Variants in SLAIN1 observed in about 807,000 individuals in gnomAD.
SLAIN1 encodes SLAIN family member 1.
SLAIN1 carries 17 observed loss-of-function variants against 55.4 expected under a neutral mutation model. The ratio of observed to expected loss-of-function variants is 0.31; its 90% CI spans 0.21 to 0.46. The LOEUF (loss-of-function observed/expected upper bound fraction) is 0.46, where lower values mean the gene tolerates loss of function less well. Ranked by LOEUF, SLAIN1 falls within the 20% of genes least tolerant of loss-of-function variation. The pLI is 1.00. For synonymous variants in SLAIN1, 348 were observed against 337.4 expected, an observed-to-expected ratio of 1.03 and a Z score of -0.35; for missense variants, 682 against 785.1, an observed-to-expected ratio of 0.87 and a Z score of 1.57.
chr13:77,756,180 C>G lies in SLAIN1; in HGVS notation c.1414+2822C>G, dbSNP rs58694403. On this transcript the variant is annotated intron_variant, in intron 5 of 6. Transcript: ENST00000418532. The stretch of plus-strand genomic sequence containing the variant: ...TTCTCTTATGTGTTTTTTTTTAAAT[C>G]AAGGGTGGTTATATATGTTACATGT... Among the ~76,000 whole-genome samples, 53 of 151,550 alleles carry G rather than the reference C, an allele frequency of 3.5e-4. No homozygotes were observed. In the East Asian group the frequency reaches 9.9e-3, roughly 28 times the overall value.
At chr13:77,741,421 G>A (rs559496560) in intron 2 of SLAIN1, 7 of 987,402 alleles carry the variant, frequency 7.1e-6, no homozygotes, top group East Asian at 2.3e-4. Flanking sequence ...GCTCCGATTG[G>A]GAAAAGCTGC....
chr13:77,750,273 A>G (rs1416728730), intron 4 of SLAIN1, among the ~76,000 whole-genome samples: 1 of 152,172 alleles, frequency 6.6e-6, no homozygotes, highest in Non-Finnish European at 1.5e-5. Context: ...TAACATTTCT[A>G]TATGTATGAA....
intron 1 of SLAIN1, among the ~76,000 whole-genome samples, chr13:77,703,275 T>G (rs182269844): frequency 6.6e-6 from 1 of 152,248 alleles, no homozygotes; most frequent in Admixed American, 6.5e-5. Flanking sequence ...AATGAGATAT[T>G]CATCTTCCAC....
intron 2 of SLAIN1, among the ~76,000 whole-genome samples, chr13:77,729,203 A>G (rs2091334401): frequency 6.6e-6 from 1 of 151,938 alleles, no homozygotes; most frequent in African/African-American, 2.4e-5. Context: ...ATACCCTACA[A>G]CCTGATATGT....
chr13:77,741,634 G>A (rs1873445691), intron 2 of SLAIN1: 1 of 158,478 alleles, frequency 6.3e-6, no homozygotes, highest in Non-Finnish European at 1.3e-5. Context: ...TAATGATTCT[G>A]AAGTAAAAGG....
intron 2 of SLAIN1, among the ~76,000 whole-genome samples, chr13:77,732,351 A>G (rs1872914289): frequency 6.6e-6 from 1 of 152,122 alleles, no homozygotes; most frequent in Non-Finnish European, 1.5e-5. Context: ...GCATGAGATT[A>G]TTTAGCCTAT....
chr13:77,724,103 G>T (rs951152550), intron 2 of SLAIN1, among the ~76,000 whole-genome samples: 2 of 152,240 alleles, frequency 1.3e-5, no homozygotes, highest in Admixed American at 6.5e-5. Flanking sequence ...TAGTCCTCCA[G>T]ATCTGTAAGG....
At chr13:77,720,437 G>C (rs555218250) in intron 2 of SLAIN1, among the ~76,000 whole-genome samples, 1 of 152,132 alleles carries the variant, frequency 6.6e-6, no homozygotes, top group Non-Finnish European at 1.5e-5. Context: ...GGTAGAGTCA[G>C]GGGAGTCTGC....
rs893276135 is a variant in SLAIN1, at chr13:77,753,351, A to G, written c.1407A>G (p.Gln469=). The G allele has an allele frequency of 3.8e-6, 6 of 1,589,344 alleles. No individual in the cohort carries two copies. Among genetic ancestry groups the G allele is most frequent in the East Asian group, 2.3e-5 (1 of 44,278 alleles). ...HGAGNGISRI[Q]SCIPSPGQLQ... ...CTGGAAATGGAATTTCAAGAATACA[A>G]TCTTGTAGTGAGTATAATTATTTGA... The change falls in exon 5 of 7, where the codon CAA becomes CAG. Residue 469 remains glutamine (Q), a synonymous_variant. Transcript: ENST00000418532.
chr13:77,713,957 G>C (rs1305631671), intron 1 of SLAIN1, among the ~76,000 whole-genome samples: 1 of 151,886 alleles, frequency 6.6e-6, no homozygotes, highest in Non-Finnish European at 1.5e-5. Context: ...TCACTCATAG[G>C]TGGGAGTTGA....
At chr13:77,732,221 A>G (rs1872907325) in intron 2 of SLAIN1, among the ~76,000 whole-genome samples, 1 of 152,134 alleles carries the variant, frequency 6.6e-6, no homozygotes, top group South Asian at 2.1e-4. Context: ...TCTTCCATTC[A>G]ATAACTGACA....
chr13:77,744,933 T>A (rs768369420), intron 3 of SLAIN1, among the ~76,000 whole-genome samples: 11 of 152,038 alleles, frequency 7.2e-5, no homozygotes, highest in Non-Finnish European at 1.2e-4. Context: ...ATACACAACA[T>A]CTTGCTTGAA....
chr13:77,739,502 G>A (rs1873303187), intron 2 of SLAIN1, among the ~76,000 whole-genome samples: 2 of 152,040 alleles, frequency 1.3e-5, no homozygotes, highest in Middle Eastern at 3.2e-3. Context: ...TTAGTTTAAT[G>A]CACTACCGAC....
At chr13:77,753,123 C>A in intron 4 of SLAIN1, 80 bp from the exon 5 acceptor site, 1 of 1,281,524 alleles carries the variant, frequency 7.8e-7, no homozygotes, top group Non-Finnish European at 1.1e-6. Context: ...CACAATATGA[C>A]TTTTGTTATT....
intron 2 of SLAIN1, chr13:77,741,081 G>T (rs923566245): frequency 3.4e-6 from 3 of 880,342 alleles, no homozygotes; most frequent in Non-Finnish European, 4.1e-6. Flanking sequence ...GGTCACAGTG[G>T]TTATTGTGCA....
In SLAIN1 at chr13:77,742,980, A is replaced by G. The variant is rs969669949; in HGVS notation, c.767-1303A>G. 15 of 1,237,682 alleles carry G rather than the reference A, an allele frequency of 1.2e-5. No homozygotes were observed. In the Admixed American group the frequency reaches 4.4e-4, roughly 36 times the overall value. 76.7% of individuals were successfully genotyped at this position (1,237,682 alleles called of 1,614,324 possible). On this transcript the variant is annotated intron_variant, in intron 2 of 6. Transcript: ENST00000418532. ...CTGACAAGTCAACATATGCTTCCAT[A>G]TAGCTAACTGCTGCTATTTTCTGCT...
intron 1 of SLAIN1, among the ~76,000 whole-genome samples, chr13:77,701,930 A>C (rs1195081954): frequency 2.0e-5 from 2 of 100,760 alleles, no homozygotes; most frequent in Middle Eastern, 7.9e-3. Context: ...CCCCCACCCC[A>C]CTACAGTCCC....
intron 2 of SLAIN1, among the ~76,000 whole-genome samples, chr13:77,723,932 TAAA>T (rs10599579): frequency 0.021 from 3,026 of 145,942 alleles, 107 homozygotes; most frequent in African/African-American, 0.07. Flanking sequence ...TTTTGGAGAT[TAAA>T]AAAAAAAAAA....
intron 5 of SLAIN1, 122 bp from the exon 6 acceptor site, chr13:77,760,706 G>GT: frequency 9.8e-7 from 1 of 1,020,822 alleles, no homozygotes; most frequent in Non-Finnish European, 1.4e-6. Flanking sequence ...CCTATATTCT[G>GT]TTTTTCTCCT....
Sources: gnomAD v4.1 joint callset for allele counts (sites outside exome capture counted in the v4.1 genomes callset) on GRCh38, gnomAD v4.1.1 for gene constraint, MANE v1.5 for transcripts, NCBI Gene and HGNC (gene_info 2026-07-23, HGNC 2026-07-21) for gene names.